Variants in CCDC201 observed in about 807,000 individuals in gnomAD.
CCDC201 encodes the protein coiled-coil domain containing 201, also known as coiled-coil domain-containing protein 201.
At chr7:45,881,912 C>T in the CCDC201 span, among the ~76,000 whole-genome samples, 4 of 151,988 alleles carry the variant, frequency 2.6e-5, no homozygotes, top group South Asian at 4.1e-4. Flanking sequence ...GGAGTGTGGG[C>T]GAGAGCTATT....
rs377753218 is a variant in CCDC201, at chr7:45,864,249, C to A, written c.478-1078G>T. On this transcript the variant is annotated intron_variant, in intron 2 of 2. Transcript: ENST00000636578. ...AATAGCCTCTGATCCCACAGAGGGG[C>A]CTTGTGGGGATCCAGGCTCAGCTGG... Among the ~76,000 whole-genome samples the A allele has an allele frequency of 4.2e-3, 643 of 152,174 alleles. 6 individuals are homozygous for A. The highest frequency in any genetic ancestry group is 0.015 in the African/African-American group (617 of 41,520).
chr7:45,879,917 C>T, the CCDC201 span, among the ~76,000 whole-genome samples: 2 of 152,138 alleles, frequency 1.3e-5, no homozygotes, highest in African/African-American at 2.4e-5. Flanking sequence ...GAAACCCCAT[C>T]TCTATTAAAA....
chr7:45,872,523 C>T (rs1405512985), intron 1 of CCDC201, among the ~76,000 whole-genome samples: 3 of 152,186 alleles, frequency 2.0e-5, no homozygotes, highest in Non-Finnish European at 4.4e-5. Flanking sequence ...GCTGAGGTTC[C>T]AAAGGCCTCA....
exon 3 of CCDC201, chr7:45,862,996 A>T (rs1786622049): frequency 6.6e-6 from 1 of 152,332 alleles, no homozygotes; most frequent in African/African-American, 2.4e-5. Context: ...ATTGGGGGCC[A>T]GCCCAAGGAG....
upstream of CCDC201, among the ~76,000 whole-genome samples, chr7:45,876,652 T>G (rs968583633): frequency 7.2e-5 from 11 of 152,284 alleles, no homozygotes; most frequent in Admixed American, 2.0e-4. Flanking sequence ...TGTAAGGATA[T>G]TTTGTTTGTG....
the CCDC201 span, among the ~76,000 whole-genome samples, chr7:45,879,112 T>C: frequency 3.9e-5 from 6 of 152,346 alleles, no homozygotes; most frequent in African/African-American, 1.2e-4. Context: ...CATAGCAAGA[T>C]TGACCTTTAC....
At chr7:45,860,473 A>T (rs986423863) in exon 3 of CCDC201, 1 of 152,190 alleles carries the variant, frequency 6.6e-6, no homozygotes, top group African/African-American at 2.4e-5. Context: ...GAGAGTTAAG[A>T]TCTATTTTAT....
chr7:45,879,592 A>G, the CCDC201 span, among the ~76,000 whole-genome samples: 1 of 152,172 alleles, frequency 6.6e-6, no homozygotes, highest in African/African-American at 2.4e-5. Flanking sequence ...CTTTCAAACA[A>G]GCAGCATTAG....
upstream of CCDC201, among the ~76,000 whole-genome samples, chr7:45,874,497 A>G (rs768477451): frequency 2.9e-4 from 44 of 152,218 alleles, no homozygotes; most frequent in Non-Finnish European, 8.8e-5. Context: ...ATAGGAACCT[A>G]AATGAGGAGG....
chr7:45,877,806 T>G (rs913360731), upstream of CCDC201, among the ~76,000 whole-genome samples: 3 of 152,176 alleles, frequency 2.0e-5, no homozygotes, highest in Non-Finnish European at 4.4e-5. Context: ...TCTCATGCCC[T>G]TCTCACATTG....
upstream of CCDC201, among the ~76,000 whole-genome samples, chr7:45,878,001 C>T (rs1007492692): frequency 3.3e-5 from 5 of 152,180 alleles, no homozygotes; most frequent in African/African-American, 1.2e-4. Context: ...GAAAATGCCC[C>T]CATTTCAAAA....
At chr7:45,871,649 A>G (rs1786743898) in intron 1 of CCDC201, among the ~76,000 whole-genome samples, 1 of 152,230 alleles carries the variant, frequency 6.6e-6, no homozygotes, top group Non-Finnish European at 1.5e-5. Context: ...CAAAGACAAA[A>G]GATGAACCAC....
upstream of CCDC201, among the ~76,000 whole-genome samples, chr7:45,873,770 T>C (rs1786769438): frequency 6.6e-6 from 1 of 152,200 alleles, no homozygotes; most frequent in African/African-American, 2.4e-5. Context: ...CTTAACTTTT[T>C]TGGGGAATGA....
chr7:45,865,614 C>T (rs1009052265), intron 2 of CCDC201, among the ~76,000 whole-genome samples: 1 of 152,020 alleles, frequency 6.6e-6, no homozygotes, highest in Non-Finnish European at 1.5e-5. Flanking sequence ...TCCCTGTCAC[C>T]CCAACATGTC....
At chr7:45,872,049 A>G (rs537164357) in intron 1 of CCDC201, among the ~76,000 whole-genome samples, 23 of 152,326 alleles carry the variant, frequency 1.5e-4, no homozygotes, top group African/African-American at 5.5e-4. Flanking sequence ...GATATTCGAA[A>G]CAGCTAAAAA....
At chr7:45,871,781 T>G (rs1485654422) in intron 1 of CCDC201, among the ~76,000 whole-genome samples, 2 of 152,198 alleles carry the variant, frequency 1.3e-5, no homozygotes, top group African/African-American at 4.8e-5. Context: ...AGTATACACA[T>G]GCTGAACCTC....
At chr7:45,877,093 G>A (rs1562791989), upstream of CCDC201, among the ~76,000 whole-genome samples, 1 of 152,214 alleles carries the variant, frequency 6.6e-6, no homozygotes, top group Non-Finnish European at 1.5e-5. Flanking sequence ...GACGATGAGA[G>A]CCCCTCACTG....
intron 1 of CCDC201, among the ~76,000 whole-genome samples, chr7:45,867,971 T>A (rs1410107142): frequency 2.6e-5 from 4 of 152,196 alleles, no homozygotes; most frequent in African/African-American, 9.6e-5. Context: ...TCATTCAAAG[T>A]GGTGGGAAAG....
At chr7:45,884,338 G>A in the CCDC201 span, among the ~76,000 whole-genome samples, 8 of 152,244 alleles carry the variant, frequency 5.3e-5, no homozygotes, top group South Asian at 8.3e-4. Context: ...GGCCTCAAAC[G>A]ATTCTCCCAC....
Sources: allele counts gnomAD v4.1 joint callset (sites outside exome capture counted in the v4.1 genomes callset), GRCh38; gene constraint gnomAD v4.1.1; transcripts MANE v1.5; gene names NCBI Gene and HGNC (gene_info 2026-07-23, HGNC 2026-07-21).